Variants in XKR6 observed in about 807,000 individuals in gnomAD.
XKR6 encodes the protein XK-related protein 6.
A neutral mutation model predicts 56.7 loss-of-function variants in XKR6; 22 were observed. The observed-to-expected ratio is 0.39, with a 90% CI of 0.28 to 0.55. The LOEUF (loss-of-function observed/expected upper bound fraction) is 0.55. XKR6 is among the 20% of genes least tolerant of loss of function. The pLI is 0.66. For missense variants in XKR6, 852 were observed against 889.0 expected (o/e 0.96, Z 0.53); for synonymous variants, 524 against 387.8 (o/e 1.35, Z -4.13).
intron 1 of XKR6, among the ~76,000 whole-genome samples, chr8:11,122,440 G>C (rs757494188): frequency 6.6e-6 from 1 of 152,256 alleles, no homozygotes; most frequent in Non-Finnish European, 1.5e-5. Context: ...AATCATGTCA[G>C]CATGGCTAGA....
chr8:11,164,009 T>A (rs549149479), intron 1 of XKR6, among the ~76,000 whole-genome samples: 7 of 152,246 alleles, frequency 4.6e-5, no homozygotes, highest in African/African-American at 1.7e-4. Flanking sequence ...CAAACAGTAA[T>A]GTGAGCATGT....
rs1054613457 is a variant in XKR6, at chr8:11,138,227, CAT to C, written c.764+62347_764+62348del. On this transcript the variant is annotated intron_variant, in intron 1 of 2. Coordinates refer to ENST00000416569, the MANE Select transcript of XKR6 (RefSeq NM_173683.4). ...CAATGCATCACCTACTTAGGACACA[CAT>C]GTGTGGTGTCTCATGTTGAAATGTT... 201 of 154,998 alleles carry C rather than the reference CAT, an allele frequency of 1.3e-3. 1 individual carries two copies. The highest frequency in any genetic ancestry group is 4.4e-3 in the African/African-American group (181 of 41,590). The allele number at this position is 154,998 out of a possible 1,614,324, so 9.6% of individuals were successfully genotyped here. A position where few individuals can be genotyped will look rare whatever the true frequency, so the allele number is the denominator to read the frequency against.
chr8:11,130,385 T>C (rs1372867115), intron 1 of XKR6, among the ~76,000 whole-genome samples: 3 of 152,156 alleles, frequency 2.0e-5, no homozygotes, highest in Non-Finnish European at 2.9e-5. Context: ...AGCCACGTAG[T>C]AGTCTGGTTG....
intron 1 of XKR6, among the ~76,000 whole-genome samples, chr8:10,944,151 C>A (rs1373855903): frequency 2.0e-5 from 3 of 152,198 alleles, no homozygotes; most frequent in African/African-American, 7.2e-5. Flanking sequence ...GTGCACTAAA[C>A]TGAGTTTGGC....
intron 1 of XKR6, among the ~76,000 whole-genome samples, chr8:11,072,834 G>C (rs924286040): frequency 6.6e-5 from 10 of 151,748 alleles, no homozygotes; most frequent in African/African-American, 2.2e-4. Flanking sequence ...TGGATCACTT[G>C]AGGTCAGGGG....
chr8:11,041,024 C>A (rs552636559), intron 1 of XKR6, among the ~76,000 whole-genome samples: 1 of 152,164 alleles, frequency 6.6e-6, no homozygotes, highest in East Asian at 1.9e-4. Flanking sequence ...GACCTAGGGG[C>A]AATGTGGACC....
At chr8:10,980,213 G>C (rs1331347572) in intron 1 of XKR6, among the ~76,000 whole-genome samples, 1 of 152,190 alleles carries the variant, frequency 6.6e-6, no homozygotes, top group African/African-American at 2.4e-5. Flanking sequence ...TCCAGGCAGA[G>C]GCAGGAAGGC....
intron 2 of XKR6, among the ~76,000 whole-genome samples, chr8:10,900,820 G>C (rs1391112515): frequency 1.3e-5 from 2 of 149,958 alleles, no homozygotes; most frequent in African/African-American, 4.9e-5. Flanking sequence ...TGTGATGTAG[G>C]TTGCAGATTT....
chr8:11,091,115 G>A (rs917014405), intron 1 of XKR6, among the ~76,000 whole-genome samples: 5 of 152,138 alleles, frequency 3.3e-5, no homozygotes, highest in African/African-American at 1.2e-4. Flanking sequence ...AAGGAACCAA[G>A]CAAGGGCTAT....
intron 1 of XKR6, among the ~76,000 whole-genome samples, chr8:11,177,796 T>C (rs1011893450): frequency 7.9e-5 from 12 of 152,208 alleles, no homozygotes; most frequent in Non-Finnish European, 1.3e-4. Context: ...TGCTCACGCA[T>C]TGACTGCAGA....
chr8:10,978,632 C>T (rs1383169633), intron 1 of XKR6, among the ~76,000 whole-genome samples: 1 of 152,188 alleles, frequency 6.6e-6, no homozygotes, highest in Non-Finnish European at 1.5e-5. Context: ...CATTCTCTGC[C>T]CTTAACATAG....
intron 1 of XKR6, among the ~76,000 whole-genome samples, chr8:11,038,171 T>G (rs1799194090): frequency 6.6e-6 from 1 of 152,256 alleles, no homozygotes; most frequent in South Asian, 2.1e-4. Flanking sequence ...AGTGACATTC[T>G]AAGTTTTAAC....
At chr8:10,925,893 C>T (rs1299020945) in intron 1 of XKR6, among the ~76,000 whole-genome samples, 1 of 152,150 alleles carries the variant, frequency 6.6e-6, no homozygotes, top group Non-Finnish European at 1.5e-5. Flanking sequence ...CAACAGGCTC[C>T]AAGTCTGGGC....
intron 2 of XKR6, among the ~76,000 whole-genome samples, chr8:10,912,632 TAA>T (rs1218813366): frequency 3.3e-5 from 4 of 119,780 alleles, no homozygotes; most frequent in African/African-American, 1.4e-4. Flanking sequence ...TATATATATG[TAA>T]AGAGAGAAAG....
intron 1 of XKR6, among the ~76,000 whole-genome samples, chr8:11,020,923 G>T (rs1277706852): frequency 6.6e-6 from 1 of 152,194 alleles, no homozygotes; most frequent in African/African-American, 2.4e-5. Flanking sequence ...TATGTGAATT[G>T]CTTAGCATAG....
chr8:11,082,105 A>G (rs1418271336), intron 1 of XKR6, among the ~76,000 whole-genome samples: 1 of 152,246 alleles, frequency 6.6e-6, no homozygotes, highest in African/African-American at 2.4e-5. Flanking sequence ...TTCCACTGCC[A>G]GAAGATGCTG....
chr8:11,109,444 G>A (rs1798803307), intron 1 of XKR6: 1 of 152,160 alleles, frequency 6.6e-6, no homozygotes, highest in Admixed American at 6.5e-5. Flanking sequence ...GTTAGGAAAT[G>A]TATCGATACT....
rs537261100 is a variant in XKR6, at chr8:11,169,287, G to T, written c.764+31289C>A. Reference sequence around the variant, plus strand: ...GTGTCCATGCTCCTTAATTTTCTTAGTCATGAGACAAAGAACTTCAGGTGC... The same window carrying T: ...GTGTCCATGCTCCTTAATTTTCTTATTCATGAGACAAAGAACTTCAGGTGC... On this transcript the variant is annotated intron_variant, in intron 1 of 2. Coordinates refer to ENST00000416569, the MANE Select transcript of XKR6 (RefSeq NM_173683.4). 4.6e-4 allele frequency among the ~76,000 whole-genome samples: 70 copies of T among 152,224 alleles called. No homozygotes were observed. In the South Asian group the frequency reaches 0.014, roughly 30 times the overall value.
chr8:11,153,731 T>C (rs1281820251), intron 1 of XKR6, among the ~76,000 whole-genome samples: 1 of 152,202 alleles, frequency 6.6e-6, no homozygotes, highest in Non-Finnish European at 1.5e-5. Flanking sequence ...AGTAATGAGA[T>C]CTCCATTCTT....
Sources: allele counts gnomAD v4.1 joint callset (sites outside exome capture counted in the v4.1 genomes callset), GRCh38; gene constraint gnomAD v4.1.1; transcripts MANE v1.5; gene names NCBI Gene and HGNC (gene_info 2026-07-23, HGNC 2026-07-21).